Variants in SHROOM3 observed in about 807,000 individuals in gnomAD.
The protein encoded by SHROOM3 is shroom family member 3.
Under a neutral mutation model 138.6 loss-of-function variants are expected in SHROOM3, and 47 were observed. The ratio of observed to expected loss-of-function variants is 0.34; its 90% CI spans 0.27 to 0.43. The LOEUF (loss-of-function observed/expected upper bound fraction) is 0.43, where lower values mean the gene tolerates loss of function less well. Ranked by LOEUF, SHROOM3 falls within the 20% of genes least tolerant of loss-of-function variation. SHROOM3 has a pLI of 1.00. For missense variants in SHROOM3, 2,491 were observed against 2,596.5 expected, an observed-to-expected ratio of 0.96 and a Z score of 0.88; for synonymous variants, 1,062 against 1,063.3, an observed-to-expected ratio of 1.00 and a Z score of 0.02.
At chr4:76,534,168 G>T (rs1254197890) in intron 1 of SHROOM3, among the ~76,000 whole-genome samples, 1 of 152,186 alleles carries the variant, frequency 6.6e-6, no homozygotes, top group Non-Finnish European at 1.5e-5. Context: ...AAACCCCCAA[G>T]ATTTCAGGGC....
intron 2 of SHROOM3, among the ~76,000 whole-genome samples, chr4:76,708,560 C>G (rs139761636): frequency 6.6e-6 from 1 of 152,262 alleles, no homozygotes; most frequent in South Asian, 2.1e-4. Context: ...CTGGTTATAC[C>G]AATGGGTGGT....
intron 2 of SHROOM3, among the ~76,000 whole-genome samples, chr4:76,644,693 A>G (rs1399034709): frequency 6.6e-6 from 1 of 152,138 alleles, no homozygotes; most frequent in Non-Finnish European, 1.5e-5. Flanking sequence ...TAGCAAGGAT[A>G]TACACTTTTA....
At chr4:76,573,549 C>T (rs1409258957) in intron 2 of SHROOM3, 1 of 154,482 alleles carries the variant, frequency 6.5e-6, no homozygotes, top group South Asian at 2.0e-4. Flanking sequence ...CTCCACTGCC[C>T]AGCTGTCTTG....
chr4:76,586,439 A>G, intron 2 of SHROOM3: 1 of 985,486 alleles, frequency 1.0e-6, no homozygotes, highest in South Asian at 4.7e-5. Flanking sequence ...ACTGAGGACA[A>G]TGGACCTGCC....
chr4:76,728,722 T>C (rs552524303), intron 3 of SHROOM3, among the ~76,000 whole-genome samples: 1 of 152,306 alleles, frequency 6.6e-6, no homozygotes, highest in African/African-American at 2.4e-5. Flanking sequence ...GTGAGGTCTG[T>C]TTCTTTTTGG....
intron 3 of SHROOM3, among the ~76,000 whole-genome samples, chr4:76,715,189 A>G (rs1720338585): frequency 6.6e-6 from 1 of 152,194 alleles, no homozygotes; most frequent in Non-Finnish European, 1.5e-5. Context: ...ACAGGTATAT[A>G]TATATTCATA....
chr4:76,579,718 C>G (rs1734011927), intron 2 of SHROOM3, among the ~76,000 whole-genome samples: 1 of 152,194 alleles, frequency 6.6e-6, no homozygotes. Context: ...CTCATTTACT[C>G]CACCTGCCTG....
At chr4:76,528,549 T>TTTTTG (rs1491260776) in intron 1 of SHROOM3, among the ~76,000 whole-genome samples, 1 of 111,484 alleles carries the variant, frequency 9.0e-6, no homozygotes, top group Non-Finnish European at 2.0e-5. Flanking sequence ...TCTTTCTTTC[T>TTTTTG]TTTTTTTTTT....
At chr4:76,573,719 G>A (rs1407298211) in intron 2 of SHROOM3, 1 of 152,850 alleles carries the variant, frequency 6.5e-6, no homozygotes, top group African/African-American at 2.4e-5. Flanking sequence ...CCTGGGCAAT[G>A]CCCCTGGGAT....
chr4:76,441,194 A>C (rs1447753344), intron 1 of SHROOM3, among the ~76,000 whole-genome samples: 1 of 142,254 alleles, frequency 7.0e-6, no homozygotes, highest in East Asian at 2.2e-4. Flanking sequence ...TCCTGGGTTC[A>C]CGCCATTCTC....
intron 10 of SHROOM3, among the ~76,000 whole-genome samples, 192 bp downstream of exon 10, chr4:76,771,090 C>T (rs1426885791): frequency 6.6e-6 from 1 of 152,142 alleles, no homozygotes; most frequent in Non-Finnish European, 1.5e-5. Flanking sequence ...GCTGGCCAGG[C>T]GTGGTGGCTC....
chr4:76,491,293 T>C (rs1214912733), intron 1 of SHROOM3, among the ~76,000 whole-genome samples: 1 of 152,014 alleles, frequency 6.6e-6, no homozygotes, highest in East Asian at 1.9e-4. Flanking sequence ...AATGGGGAAA[T>C]AGGAGATTAA....
intron 2 of SHROOM3, among the ~76,000 whole-genome samples, chr4:76,663,745 CAT>C (rs140052024): frequency 3.9e-5 from 6 of 152,304 alleles, no homozygotes; most frequent in South Asian, 2.1e-4. Context: ...GAAAACTTTA[CAT>C]AAACATCCAG....
chr4:76,599,717 C>G (rs1734464300), intron 2 of SHROOM3, among the ~76,000 whole-genome samples: 1 of 152,288 alleles, frequency 6.6e-6, no homozygotes, highest in East Asian at 1.9e-4. Flanking sequence ...TGAACCTCAT[C>G]TGTAAAATGT....
intron 2 of SHROOM3, chr4:76,645,728 A>C (rs2110084999): frequency 6.6e-6 from 1 of 151,964 alleles, no homozygotes; most frequent in East Asian, 1.9e-4. Flanking sequence ...TATAAGAAAA[A>C]CCCCACAGAC....
chr4:76,657,853 T>C (rs1736098261), intron 2 of SHROOM3, among the ~76,000 whole-genome samples: 1 of 152,356 alleles, frequency 6.6e-6, no homozygotes, highest in Middle Eastern at 3.4e-3. Context: ...TTCAGGACCC[T>C]TCCCAAGGAT....
At chr4:76,451,363 C>A (rs542071300) in intron 1 of SHROOM3, among the ~76,000 whole-genome samples, 1 of 152,318 alleles carries the variant, frequency 6.6e-6, no homozygotes, top group South Asian at 2.1e-4. Context: ...ATGTGATTTA[C>A]ACCATTCAAT....
Position 76,586,093 on chromosome 4 carries a change from C to T in SHROOM3, c.323+30330C>T, listed in dbSNP as rs1055687688. The T allele has an allele frequency of 1.6e-5, 4 of 252,164 alleles. No homozygotes were observed. In the Admixed American group the frequency reaches 2.6e-4, roughly 16 times the overall value. 15.6% of individuals were successfully genotyped at this position (252,164 alleles called of 1,614,324 possible). On this transcript the variant is annotated intron_variant, in intron 2 of 10. Coordinates refer to ENST00000296043, the MANE Select transcript of SHROOM3 (RefSeq NM_020859.4). ...ATGCACGCCGGAGTCGGCGTGCCAG[C>T]GCGGTGGAAACCGGTTCTCAGGTTC...
intron 4 of SHROOM3, among the ~76,000 whole-genome samples, chr4:76,738,294 A>G (rs921749067): frequency 3.3e-5 from 5 of 152,244 alleles, no homozygotes; most frequent in Non-Finnish European, 7.3e-5. Context: ...GATATTAACT[A>G]AAAACATATA....
Sources: gnomAD v4.1 joint callset for allele counts (sites outside exome capture counted in the v4.1 genomes callset) on GRCh38, gnomAD v4.1.1 for gene constraint, MANE v1.5 for transcripts, NCBI Gene and HGNC (gene_info 2026-07-23, HGNC 2026-07-21) for gene names.